The following STAU2 variants were observed in gnomAD, a reference collection of about 807,000 sequenced individuals.
STAU2 encodes the protein staufen double-stranded RNA binding protein 2, also known as double-stranded RNA-binding protein Staufen homolog 2.
In STAU2, 20 loss-of-function variants were observed where a neutral mutation model predicts 65.9. The observed-to-expected ratio is 0.30, with a 90% confidence interval of 0.21 to 0.44. The LOEUF is 0.44. Ranked by LOEUF, STAU2 falls within the 20% of genes least tolerant of loss-of-function variation. The probability of loss-of-function intolerance (pLI) is 1.00; values close to 1 mark genes in which losing one functional copy is unlikely to be tolerated. For missense variants in STAU2, 558 were observed against 683.9 expected (o/e 0.82, Z 2.05); for synonymous variants, 232 against 233.9 (o/e 0.99, Z 0.07).
chr8:73,548,398 T>C (rs1352132207), intron 13 of STAU2, among the ~76,000 whole-genome samples: 1 of 151,896 alleles, frequency 6.6e-6, no homozygotes, highest in Non-Finnish European at 1.5e-5. Context: ...CCCCCCCACT[T>C]CCACCAGCCC....
chr8:73,423,662 C>G (rs1816572266), intron 13 of STAU2, among the ~76,000 whole-genome samples: 1 of 152,166 alleles, frequency 6.6e-6, no homozygotes, highest in Admixed American at 6.5e-5. Flanking sequence ...CTGCCAAGAG[C>G]TCCTTTAGGG....
chr8:73,740,984 G>A (rs762482887), intron 1 of STAU2, among the ~76,000 whole-genome samples: 25 of 145,260 alleles, frequency 1.7e-4, no homozygotes, highest in Non-Finnish European at 3.0e-4. Context: ...CAGTCCAGGT[G>A]ACAGAGCAAG....
At chr8:73,471,297 C>T (rs974239499) in intron 13 of STAU2, among the ~76,000 whole-genome samples, 1 of 151,758 alleles carries the variant, frequency 6.6e-6, no homozygotes, top group Non-Finnish European at 1.5e-5. Flanking sequence ...CTTGGCCTCC[C>T]AGGTAGCCAG....
intron 13 of STAU2, among the ~76,000 whole-genome samples, chr8:73,544,337 T>A (rs1311634789): frequency 6.6e-6 from 1 of 152,230 alleles, no homozygotes; most frequent in African/African-American, 2.4e-5. Context: ...TCTGTCTCTT[T>A]CTTGTCTAGT....
chr8:73,502,818 C>A (rs771295225), intron 13 of STAU2, among the ~76,000 whole-genome samples: 1 of 151,954 alleles, frequency 6.6e-6, no homozygotes, highest in Non-Finnish European at 1.5e-5. Flanking sequence ...GGGACAGCAT[C>A]CATTTTTTAT....
chr8:73,660,723 C>A (rs1419202598), intron 6 of STAU2, among the ~76,000 whole-genome samples: 1 of 152,118 alleles, frequency 6.6e-6, no homozygotes, highest in Admixed American at 6.5e-5. Flanking sequence ...ATGTTTAAAT[C>A]CTAACTTAAT....
intron 12 of STAU2, among the ~76,000 whole-genome samples, chr8:73,557,891 C>G (rs958197779): frequency 7.2e-5 from 11 of 152,324 alleles, no homozygotes; most frequent in African/African-American, 2.6e-4. Flanking sequence ...TCTATAACTA[C>G]AGTACACAGT....
chr8:73,704,591 G>C (rs936521657), intron 4 of STAU2, among the ~76,000 whole-genome samples: 2 of 152,040 alleles, frequency 1.3e-5, no homozygotes, highest in South Asian at 4.2e-4. Context: ...AGTGGGTAGG[G>C]GATGGTAAAT....
At position 73,520,507 on chromosome 8, in the gene STAU2, G is replaced by A. The variant is rs888036485; in HGVS notation, c.1530+31505C>T. On this transcript the variant is annotated intron_variant, in intron 13 of 14. Transcript: ENST00000524300. Reference sequence around the variant, plus strand: ...TGATCCCTTATGTAGTAGTCCTTGCGGTTGATTCCTCAACAACTACTTCAC... The same window carrying A: ...TGATCCCTTATGTAGTAGTCCTTGCAGTTGATTCCTCAACAACTACTTCAC... Among the ~76,000 whole-genome samples, 8 of 152,132 alleles carry A rather than the reference G, an allele frequency of 5.3e-5. No homozygotes were observed. In the East Asian group the frequency reaches 7.7e-4, roughly 15 times the overall value.
intron 13 of STAU2, among the ~76,000 whole-genome samples, chr8:73,521,113 C>T (rs1287815902): frequency 6.6e-6 from 1 of 152,128 alleles, no homozygotes; most frequent in Non-Finnish European, 1.5e-5. Context: ...AAGGCTTTCC[C>T]TTTCTTAGTT....
At chr8:73,426,931 T>C (rs1816866663) in intron 13 of STAU2, among the ~76,000 whole-genome samples, 1 of 151,114 alleles carries the variant, frequency 6.6e-6, no homozygotes. Flanking sequence ...TAAAGATTTT[T>C]TTTTTTTTTT....
At chr8:73,692,187 C>T (rs904868476) in intron 4 of STAU2, among the ~76,000 whole-genome samples, 2 of 151,608 alleles carry the variant, frequency 1.3e-5, no homozygotes, top group East Asian at 1.9e-4. Flanking sequence ...ACACTTCATC[C>T]TACGTACTTC....
intron 4 of STAU2, among the ~76,000 whole-genome samples, chr8:73,704,974 T>C (rs1820404350): frequency 6.6e-6 from 1 of 152,138 alleles, no homozygotes; most frequent in Non-Finnish European, 1.5e-5. Flanking sequence ...ATGTTGTGGG[T>C]TTCATAATGA....
chr8:73,598,387 C>T (rs1295147526), intron 10 of STAU2, among the ~76,000 whole-genome samples: 5 of 152,146 alleles, frequency 3.3e-5, no homozygotes, highest in Admixed American at 6.5e-5. Flanking sequence ...GCCACCATGC[C>T]CGGCTAATTT....
intron 6 of STAU2, among the ~76,000 whole-genome samples, chr8:73,664,004 A>G (rs577203828): frequency 5.9e-5 from 9 of 152,082 alleles, no homozygotes; most frequent in African/African-American, 2.2e-4. Context: ...ATATTCCCCC[A>G]TTTGTTTCTT....
intron 13 of STAU2, among the ~76,000 whole-genome samples, chr8:73,486,481 T>C (rs1820912603): frequency 6.6e-6 from 1 of 151,756 alleles, no homozygotes; most frequent in South Asian, 2.1e-4. Context: ...GAAGATGATG[T>C]CACAAACATA....
chr8:73,633,634 T>C (rs1271142148), intron 6 of STAU2, among the ~76,000 whole-genome samples: 4 of 152,120 alleles, frequency 2.6e-5, no homozygotes, highest in Admixed American at 1.3e-4. Flanking sequence ...TTTGCCTATA[T>C]ACCGGAAGTA....
intron 13 of STAU2, chr8:73,551,169 T>G (rs62508211): frequency 0.025 from 24,849 of 987,550 alleles, 357 homozygotes; most frequent in Middle Eastern, 0.043. Flanking sequence ...GACACAGATA[T>G]TTCCCCTTCC....
rs751316750 is a variant in STAU2, at chr8:73,613,833, C to T, written c.802G>A (p.Val268Ile). ...KLSKKRAATT[V>I]LQELKKLPPL... The stretch of plus-strand genomic sequence containing the variant: ...GGAAGTTTTTTAAGCTCCTGTAAGA[C>T]GGTGGTCGCAGCGCGCTTCTTGGAG... The change falls in exon 9 of 15, where the codon GTC becomes ATC. Residue 268 changes from valine to isoleucine, a missense_variant. Coordinates refer to ENST00000524300, the MANE Select transcript of STAU2 (RefSeq NM_001164380.2). 26 of 1,613,570 alleles carry T rather than the reference C, an allele frequency of 1.6e-5. No homozygotes were observed. Among genetic ancestry groups the T allele is most frequent in the Non-Finnish European group, 1.9e-5 (22 of 1,179,808 alleles).
Sources: allele counts gnomAD v4.1 joint callset (sites outside exome capture counted in the v4.1 genomes callset), GRCh38; gene constraint gnomAD v4.1.1; transcripts MANE v1.5; gene names NCBI Gene and HGNC (gene_info 2026-07-23, HGNC 2026-07-21).